Variants in SPAG16 observed in about 807,000 individuals in gnomAD.
SPAG16 encodes sperm-associated antigen 16 protein.
Under a neutral mutation model 80.4 loss-of-function variants are expected in SPAG16, and 86 were observed. That is an observed-to-expected ratio of 1.07 (90% CI 0.90 to 1.28). The LOEUF is 1.28. SPAG16 is among the 50% of genes most tolerant of loss of function. The probability of loss-of-function intolerance (pLI) is 0.00; values close to 1 mark genes in which losing one functional copy is unlikely to be tolerated. For synonymous variants in SPAG16, 294 were observed against 265.9 expected (o/e 1.11, Z -1.03); for missense variants, 870 against 765.3 (o/e 1.14, Z -1.61).
intron 15 of SPAG16, among the ~76,000 whole-genome samples, chr2:214,257,875 A>T (rs2125863624): frequency 6.6e-6 from 1 of 152,168 alleles, no homozygotes; most frequent in Non-Finnish European, 1.5e-5. Flanking sequence ...GTTTGTTTGG[A>T]TTGATGCTAT....
chr2:213,488,948 G>T (rs575361243), intron 9 of SPAG16, among the ~76,000 whole-genome samples: 2 of 151,476 alleles, frequency 1.3e-5, no homozygotes, highest in East Asian at 3.9e-4. Context: ...GGTGGCACGC[G>T]CCTGTAGTCC....
At chr2:213,830,911 G>A (rs927000127) in intron 10 of SPAG16, among the ~76,000 whole-genome samples, 2 of 151,896 alleles carry the variant, frequency 1.3e-5, no homozygotes, top group Non-Finnish European at 2.9e-5. Flanking sequence ...GTTTTGAATA[G>A]CTTATGACCT....
At chr2:213,293,479 T>C (rs907547302) in intron 1 of SPAG16, among the ~76,000 whole-genome samples, 3 of 152,244 alleles carry the variant, frequency 2.0e-5, no homozygotes, top group African/African-American at 4.8e-5. Flanking sequence ...GGCATCCACA[T>C]TGTTTTCTTG....
chr2:213,623,010 T>C (rs1401883434), intron 10 of SPAG16, among the ~76,000 whole-genome samples: 1 of 152,224 alleles, frequency 6.6e-6, no homozygotes, highest in Non-Finnish European at 1.5e-5. Flanking sequence ...AATTTTTAAA[T>C]GTGTCTCCTT....
intron 1 of SPAG16, among the ~76,000 whole-genome samples, chr2:213,294,823 T>TG (rs771389080): frequency 6.6e-6 from 1 of 152,140 alleles, no homozygotes; most frequent in Non-Finnish European, 1.5e-5. Context: ...ACACAGAACA[T>TG]GGAGAGGCAA....
chr2:214,059,255 T>C (rs1487286829), intron 13 of SPAG16, among the ~76,000 whole-genome samples: 1 of 105,318 alleles, frequency 9.5e-6, no homozygotes, highest in African/African-American at 3.7e-5. Flanking sequence ...TGTATATATA[T>C]GTATGTATAT....
intron 5 of SPAG16, among the ~76,000 whole-genome samples, chr2:213,327,112 C>T (rs998618084): frequency 2.7e-5 from 4 of 150,338 alleles, no homozygotes; most frequent in African/African-American, 9.7e-5. Flanking sequence ...TAGAATGTTC[C>T]ACTGAGTAAC....
intron 5 of SPAG16, among the ~76,000 whole-genome samples, chr2:213,336,492 G>A (rs963517050): frequency 7.9e-5 from 12 of 152,304 alleles, no homozygotes; most frequent in Admixed American, 5.2e-4. Context: ...ACTTAATTCC[G>A]AGGGCAGGAG....
intron 10 of SPAG16, among the ~76,000 whole-genome samples, chr2:213,801,727 A>G (rs1450398812): frequency 5.3e-5 from 8 of 152,330 alleles, no homozygotes; most frequent in Non-Finnish European, 8.8e-5. Context: ...TGAATTTTCA[A>G]TCTCAAACTC....
chr2:214,120,351 A>G (rs941443151), intron 14 of SPAG16, among the ~76,000 whole-genome samples: 1 of 151,930 alleles, frequency 6.6e-6, no homozygotes, highest in African/African-American at 2.4e-5. Context: ...TCTTATAGAA[A>G]TGTAGTATTT....
At chr2:213,776,932 T>G (rs2069626367) in intron 10 of SPAG16, among the ~76,000 whole-genome samples, 1 of 149,938 alleles carries the variant, frequency 6.7e-6, no homozygotes, top group African/African-American at 2.5e-5. Context: ...AAGGAAATGT[T>G]GATGGGTCTA....
intron 10 of SPAG16, among the ~76,000 whole-genome samples, chr2:213,660,614 C>A (rs578239384): frequency 6.6e-6 from 1 of 152,238 alleles, no homozygotes; most frequent in South Asian, 2.1e-4. Context: ...TAATCTAAGT[C>A]CAGGGCATAA....
intron 10 of SPAG16, among the ~76,000 whole-genome samples, chr2:213,859,993 T>TTGATGATGATGATGATGATGATGA (rs112613257): frequency 2.3e-4 from 34 of 150,674 alleles, no homozygotes; most frequent in East Asian, 7.9e-4. Flanking sequence ...TTACCATTAG[T>TTGATGATGATGATGATGATGATGA]TGATGATGAT....
In SPAG16 at chr2:213,640,173, A is replaced by C. The variant is rs951361849; in HGVS notation, c.1070+150083A>C. On this transcript the variant is annotated intron_variant, in intron 10 of 15. Transcript: ENST00000331683. ...TTTAAGTTTTGGTTGTTTTAATTTA[A>C]GTTTGTTTTCTCCTTTCTTTGGTGC... Among the ~76,000 whole-genome samples the C allele has an allele frequency of 2.0e-5, 3 of 151,612 alleles. No individual in the cohort carries two copies. In the East Asian group the frequency reaches 5.8e-4, roughly 29 times the overall value.
chr2:213,550,022 G>T (rs1008927054), intron 10 of SPAG16, among the ~76,000 whole-genome samples: 6 of 151,786 alleles, frequency 4.0e-5, no homozygotes, highest in Non-Finnish European at 7.4e-5. Flanking sequence ...AGTTGTATTT[G>T]ACAAAAAGAT....
At chr2:214,198,899 C>A (rs548256014) in intron 15 of SPAG16, among the ~76,000 whole-genome samples, 1 of 151,952 alleles carries the variant, frequency 6.6e-6, no homozygotes. Flanking sequence ...ATTTGTATAT[C>A]TTCTTTTGAG....
chr2:213,679,499 T>C (rs1327552271), intron 10 of SPAG16, among the ~76,000 whole-genome samples: 1 of 152,096 alleles, frequency 6.6e-6, no homozygotes, highest in East Asian at 1.9e-4. Context: ...CGTCCTTTTT[T>C]CACACTTACC....
chr2:213,987,016 C>A (rs2046047990), intron 12 of SPAG16, among the ~76,000 whole-genome samples: 1 of 149,772 alleles, frequency 6.7e-6, no homozygotes, highest in Non-Finnish European at 1.5e-5. Context: ...TTTTATTGAT[C>A]TTGAGATCTG....
rs137899900 is a variant in SPAG16, at chr2:213,853,336, C to T, written c.1071-9149C>T. 2.4e-3 allele frequency among the ~76,000 whole-genome samples: 371 copies of T among 152,250 alleles called. 3 individuals carry two copies. The highest frequency in any genetic ancestry group is 0.018 in the East Asian group (95 of 5,186). On this transcript the variant is annotated intron_variant, in intron 10 of 15. Transcript: ENST00000331683. ...CACCATACACCTACACACACTCCCT[C>T]CAAAATATCCTCTCGTAATGCCACT...
Sources: allele counts gnomAD v4.1 joint callset (sites outside exome capture counted in the v4.1 genomes callset), GRCh38; gene constraint gnomAD v4.1.1; transcripts MANE v1.5; gene names NCBI Gene and HGNC (gene_info 2026-07-23, HGNC 2026-07-21).